Variants in RABGEF1 observed in about 807,000 individuals in gnomAD.
RABGEF1 encodes the protein rab5 GDP/GTP exchange factor.
RABGEF1 carries 26 observed loss-of-function variants against 57.3 expected under a neutral mutation model. That is an observed-to-expected ratio of 0.45 (90% CI 0.33 to 0.63). The LOEUF (loss-of-function observed/expected upper bound fraction) is 0.63. Among genes scored for constraint, RABGEF1 ranks in the 20% least tolerant of loss-of-function variants. The pLI is 0.02. For missense variants in RABGEF1, 464 were observed against 607.6 expected (o/e 0.76, Z 2.48); for synonymous variants, 185 against 210.7 (o/e 0.88, Z 1.06).
chr7:66,773,357 T>C (rs1807683997), intron 2 of RABGEF1, among the ~76,000 whole-genome samples: 1 of 152,200 alleles, frequency 6.6e-6, no homozygotes, highest in Non-Finnish European at 1.5e-5. Context: ...AATGTCCTAG[T>C]ACCTTTATAT....
At chr7:66,694,892 T>C (rs1486812093) in intron 1 of RABGEF1, among the ~76,000 whole-genome samples, 1 of 152,128 alleles carries the variant, frequency 6.6e-6, no homozygotes, top group Non-Finnish European at 1.5e-5. Flanking sequence ...TGTGGGCCTG[T>C]GGGTCCCCAG....
chr7:66,723,140 TG>T (rs1227958995), intron 2 of RABGEF1, among the ~76,000 whole-genome samples: 3 of 152,082 alleles, frequency 2.0e-5, no homozygotes, highest in Non-Finnish European at 4.4e-5. Context: ...GGCTAGTTTT[TG>T]TATTTTTAGT....
upstream of RABGEF1, among the ~76,000 whole-genome samples, chr7:66,736,848 G>T (rs139509491): frequency 6.6e-6 from 1 of 152,064 alleles, no homozygotes; most frequent in Non-Finnish European, 1.5e-5. Flanking sequence ...GCGACAGAGC[G>T]AGACTCCATC....
chr7:66,666,641 G>A, the RABGEF1 span, among the ~76,000 whole-genome samples: 1 of 152,206 alleles, frequency 6.6e-6, no homozygotes, highest in Non-Finnish European at 1.5e-5. Flanking sequence ...CTGGCCCAAG[G>A]CTGCAGGTCC....
intron 8 of RABGEF1, among the ~76,000 whole-genome samples, chr7:66,806,918 A>G (rs1402085977): frequency 6.6e-6 from 1 of 152,192 alleles, no homozygotes; most frequent in Non-Finnish European, 1.5e-5. Context: ...TGTTGGGATT[A>G]CAGGCATGAG....
At chr7:66,721,878 G>A (rs1796088262) in intron 2 of RABGEF1, among the ~76,000 whole-genome samples, 1 of 152,140 alleles carries the variant, frequency 6.6e-6, no homozygotes, top group Non-Finnish European at 1.5e-5. Flanking sequence ...TGGCCAAGTG[G>A]GGTGGCTTAT....
At chr7:66,682,759 C>G (rs2003300) in intron 1 of RABGEF1, among the ~76,000 whole-genome samples, 94,277 of 152,050 alleles carry the variant, frequency 0.62, 29,716 homozygotes, top group African/African-American at 0.74. Context: ...AGAAGCGTCC[C>G]GGAGTTGGGA....
chr7:66,727,138 ATTC>A (rs1796673888), intron 2 of RABGEF1, among the ~76,000 whole-genome samples: 1 of 152,236 alleles, frequency 6.6e-6, no homozygotes, highest in Non-Finnish European at 1.5e-5. Context: ...CAATAAAGCT[ATTC>A]TTTTAATAAA....
upstream of RABGEF1, among the ~76,000 whole-genome samples, chr7:66,680,166 TATC>T (rs1789595836): frequency 6.6e-6 from 1 of 152,222 alleles, no homozygotes; most frequent in South Asian, 2.1e-4. Context: ...TAATAGCAAT[TATC>T]ACCATGTAAT....
chr7:66,655,512 C>T, the RABGEF1 span, among the ~76,000 whole-genome samples: 7 of 152,158 alleles, frequency 4.6e-5, no homozygotes, highest in East Asian at 3.9e-4. Context: ...ACTTTCCCCC[C>T]CTAAACCTAG....
chr7:66,686,989 T>A (rs1370270857), intron 1 of RABGEF1, among the ~76,000 whole-genome samples: 1 of 151,114 alleles, frequency 6.6e-6, no homozygotes, highest in African/African-American at 2.4e-5. Context: ...GCCTGGCAAA[T>A]TTTTTATATT....
chr7:66,799,213 G>A (rs1329585824), intron 6 of RABGEF1, 110 bp from the exon 7 acceptor site: 7 of 750,882 alleles, frequency 9.3e-6, no homozygotes, highest in Non-Finnish European at 1.6e-5. Flanking sequence ...TGTGGGCCTG[G>A]GATTGAGTGG....
At chr7:66,780,540 A>T (rs1300954737) in intron 3 of RABGEF1, among the ~76,000 whole-genome samples, 1 of 152,208 alleles carries the variant, frequency 6.6e-6, no homozygotes, top group African/African-American at 2.4e-5. Context: ...TGAGTGTTCT[A>T]TCAGAGTCAG....
rs58442880 is a variant in RABGEF1, at chr7:66,720,194, ATT to A, written c.-815+7984_-815+7985del. 3.4e-3 allele frequency among the ~76,000 whole-genome samples: 459 copies of A among 134,324 alleles called. 1 individual carries two copies. The highest frequency in any genetic ancestry group is 0.011 in the African/African-American group (396 of 35,344). 88.1% of individuals were successfully genotyped at this position (134,324 alleles called of 152,430 possible). A position where few individuals can be genotyped will look rare whatever the true frequency, so the allele number is the denominator to read the frequency against. On this transcript the variant is annotated intron_variant and NMD_transcript_variant, in intron 2 of 9. Coordinates refer to the RABGEF1 transcript ENST00000607882. Reference sequence around the variant, plus strand: ...CATTATTATTATTATTATTATTATTATTTTTTTTTTTTTTTCTTTGAGAGGGT... The same window carrying A: ...CATTATTATTATTATTATTATTATTATTTTTTTTTTTTTCTTTGAGAGGGT...
intron 3 of RABGEF1, among the ~76,000 whole-genome samples, chr7:66,776,718 G>A (rs1372558294): frequency 1.3e-5 from 2 of 152,134 alleles, no homozygotes; most frequent in African/African-American, 4.8e-5. Flanking sequence ...AAAGAAAAAA[G>A]ATTGATTACA....
At chr7:66,737,083 AGAGCGAGAGC>A (rs1374485413), upstream of RABGEF1, among the ~76,000 whole-genome samples, 2 of 130,652 alleles carry the variant, frequency 1.5e-5, no homozygotes, top group Admixed American at 8.1e-5. Context: ...TGAGAGAGAG[AGAGCGAGAGC>A]GAGAGAGAGA....
chr7:66,733,949 G>A (rs1797636826), intron 2 of RABGEF1, among the ~76,000 whole-genome samples: 2 of 152,160 alleles, frequency 1.3e-5, no homozygotes, highest in Admixed American at 1.3e-4. Flanking sequence ...AGGTTGCAGT[G>A]AGCTGAGATT....
chr7:66,690,176 A>G (rs1791315010), intron 1 of RABGEF1, among the ~76,000 whole-genome samples: 1 of 142,986 alleles, frequency 7.0e-6, no homozygotes, highest in Non-Finnish European at 1.5e-5. Context: ...ATCTTGGCTC[A>G]CTGCAACCTC....
At position 66,758,130 on chromosome 7, in the gene RABGEF1, G is replaced by A. The variant is rs1034850089; in HGVS notation, c.-17-13753G>A. ...GCCTGGAGAGAGGAATGACCTCTGA[G>A]GGCATGACATTGAACCCAGGAATAG... On this transcript the variant is annotated intron_variant, in intron 1 of 8. Transcript: ENST00000284957. Among the ~76,000 whole-genome samples, 3 of 152,274 alleles carry A rather than the reference G, an allele frequency of 2.0e-5. No homozygotes were observed. In the East Asian group the frequency reaches 5.8e-4, roughly 29 times the overall value.
Sources: gnomAD v4.1 joint callset for allele counts (sites outside exome capture counted in the v4.1 genomes callset) on GRCh38, gnomAD v4.1.1 for gene constraint, MANE v1.5 for transcripts, NCBI Gene and HGNC (gene_info 2026-07-23, HGNC 2026-07-21) for gene names.